Variants in MAD1L1 observed in about 807,000 individuals in gnomAD.
The protein encoded by MAD1L1 is mitotic arrest deficient 1 like 1.
Under a neutral mutation model 96.9 loss-of-function variants are expected in MAD1L1, and 95 were observed. The ratio of observed to expected loss-of-function variants is 0.98; its 90% CI spans 0.83 to 1.16. The LOEUF is 1.16. MAD1L1 is among the 50% of genes most tolerant of loss of function. The probability of loss-of-function intolerance (pLI) is 0.00; values close to 1 mark genes in which losing one functional copy is unlikely to be tolerated. For missense variants in MAD1L1, 1,007 were observed against 954.4 expected, an observed-to-expected ratio of 1.06 and a Z score of -0.73; for synonymous variants, 473 against 396.6, an observed-to-expected ratio of 1.19 and a Z score of -2.29.
intron 13 of MAD1L1, among the ~76,000 whole-genome samples, chr7:2,006,172 G>A (rs146111073): frequency 1.3e-5 from 2 of 152,282 alleles, no homozygotes; most frequent in East Asian, 3.9e-4. Context: ...CAGAGCCATG[G>A]AACACCGAGA....
intron 10 of MAD1L1, among the ~76,000 whole-genome samples, chr7:2,179,735 C>T (rs1210032272): frequency 6.6e-6 from 1 of 151,914 alleles, no homozygotes; most frequent in Non-Finnish European, 1.5e-5. Context: ...TTTGGGAGGC[C>T]AAGGTGGGTG....
chr7:2,116,737 C>T (rs1013183261), intron 11 of MAD1L1, among the ~76,000 whole-genome samples: 17 of 152,174 alleles, frequency 1.1e-4, no homozygotes, highest in Non-Finnish European at 2.4e-4. Flanking sequence ...CCACCAGACC[C>T]AACGGGGAGG....
chr7:1,877,797 T>C (rs1011919498), intron 18 of MAD1L1, among the ~76,000 whole-genome samples: 8 of 152,168 alleles, frequency 5.3e-5, no homozygotes, highest in Admixed American at 2.0e-4. Context: ...AAGACAGACA[T>C]TGCATAATTA....
In MAD1L1 at chr7:1,816,004, G is replaced by C. The variant is rs1196623944; in HGVS notation, c.*66C>G. ...AGGACGTGCACCCAGCCTGTGGCTGGCGGGGCAGGGGACCTGCAGGTCAGG... is the reference window on the plus strand; with the variant it reads ...AGGACGTGCACCCAGCCTGTGGCTGCCGGGGCAGGGGACCTGCAGGTCAGG... On this transcript the variant is annotated 3_prime_UTR_variant, in exon 19 of 19. Coordinates refer to ENST00000265854, the MANE Select transcript of MAD1L1 (RefSeq NM_001013836.2). 2.0e-6 allele frequency: 3 copies of C among 1,505,480 alleles called. No individual in the cohort carries two copies. The highest frequency in any genetic ancestry group is 2.8e-5 in the African/African-American group (2 of 72,622). 93.3% of individuals were successfully genotyped at this position (1,505,480 alleles called of 1,614,324 possible). A position where few individuals can be genotyped will look rare whatever the true frequency, so the allele number is the denominator to read the frequency against.
chr7:1,889,566 C>T (rs888131570), intron 18 of MAD1L1, among the ~76,000 whole-genome samples: 2 of 135,054 alleles, frequency 1.5e-5, no homozygotes, highest in African/African-American at 4.9e-5. Context: ...AGTGGAGCTG[C>T]CCCTGCACCA....
intron 17 of MAD1L1, among the ~76,000 whole-genome samples, 177 bp downstream of exon 17, chr7:1,936,510 G>A (rs1419677559): frequency 3.3e-5 from 5 of 152,208 alleles, no homozygotes; most frequent in South Asian, 2.1e-4. Flanking sequence ...ACGGGGCCAT[G>A]GGGACACGGG....
At chr7:1,981,114 G>A (rs1024791246) in intron 14 of MAD1L1, among the ~76,000 whole-genome samples, 1 of 152,156 alleles carries the variant, frequency 6.6e-6, no homozygotes, top group Admixed American at 6.5e-5. Context: ...CTACAGGCGC[G>A]TGCTGCCACG....
chr7:1,943,799 T>C (rs1239239407), intron 16 of MAD1L1, among the ~76,000 whole-genome samples: 1 of 151,516 alleles, frequency 6.6e-6, no homozygotes, highest in Admixed American at 6.6e-5. Flanking sequence ...GCAGCTGTGT[T>C]CATAACAGCC....
chr7:2,003,328 G>A (rs1404839472), intron 13 of MAD1L1, among the ~76,000 whole-genome samples: 1 of 152,142 alleles, frequency 6.6e-6, no homozygotes, highest in African/African-American at 2.4e-5. Flanking sequence ...CATGTGGTGG[G>A]GATGGGGGAA....
intron 12 of MAD1L1, among the ~76,000 whole-genome samples, chr7:2,038,761 C>A (rs759907291): frequency 1.8e-4 from 28 of 151,922 alleles, no homozygotes; most frequent in Non-Finnish European, 3.1e-4. Flanking sequence ...AAGTGATCCG[C>A]CCACCTCGAC....
At chr7:1,973,090 C>A (rs1780476314) in intron 15 of MAD1L1, among the ~76,000 whole-genome samples, 1 of 152,150 alleles carries the variant, frequency 6.6e-6, no homozygotes, top group Admixed American at 6.5e-5. Flanking sequence ...TTGTGACTGT[C>A]CCAGGTGAAT....
At chr7:1,989,049 A>C (rs1781288309) in intron 14 of MAD1L1, among the ~76,000 whole-genome samples, 1 of 152,208 alleles carries the variant, frequency 6.6e-6, no homozygotes, top group East Asian at 1.9e-4. Context: ...ACTTACCACT[A>C]ACCAACAAAA....
intron 12 of MAD1L1, among the ~76,000 whole-genome samples, chr7:2,063,689 C>T (rs114216570): frequency 0.024 from 3,641 of 152,336 alleles, 48 homozygotes; most frequent in Non-Finnish European, 0.032. Context: ...ATTTCTAAAT[C>T]GCTGCGCAGC....
intron 14 of MAD1L1, among the ~76,000 whole-genome samples, chr7:1,983,154 G>GCACACACACA (rs976027470): frequency 6.4e-5 from 2 of 31,466 alleles, no homozygotes; most frequent in Admixed American, 2.2e-4. Context: ...GCGCGCGCGC[G>GCACACACACA]CACACACACA....
chr7:2,069,161 C>T (rs374149758), intron 12 of MAD1L1, 33 bp downstream of exon 12: 175 of 1,535,562 alleles, frequency 1.1e-4, no homozygotes, highest in South Asian at 1.6e-4. Context: ...CAGCTCCCTG[C>T]GACTCTGATC....
chr7:2,087,302 G>A (rs985773959), intron 11 of MAD1L1, among the ~76,000 whole-genome samples: 1 of 152,218 alleles, frequency 6.6e-6, no homozygotes, highest in Non-Finnish European at 1.5e-5. Flanking sequence ...CACTTCGGGA[G>A]GGTGAGGCGG....
chr7:2,208,063 C>T (rs1044014872), intron 10 of MAD1L1, among the ~76,000 whole-genome samples: 5 of 152,174 alleles, frequency 3.3e-5, no homozygotes, highest in African/African-American at 1.2e-4. Flanking sequence ...TTTCCTCTTA[C>T]AATGTCTCCA....
chr7:1,946,588 T>C (rs926355331), intron 16 of MAD1L1, among the ~76,000 whole-genome samples: 2 of 152,276 alleles, frequency 1.3e-5, no homozygotes, highest in Non-Finnish European at 2.9e-5. Context: ...AACAGAAATC[T>C]TTCACTTGCA....
rs1165896150 is a variant in MAD1L1, at chr7:2,222,077, T to A, written c.471+498A>T. Among the ~76,000 whole-genome samples the A allele has an allele frequency of 3.2e-5, 4 of 125,026 alleles. No individual in the cohort carries two copies. The East Asian group carries it at 7.8e-4, about 24-fold the overall frequency. The allele number at this position is 125,026 out of a possible 152,430, so 82.0% of individuals were successfully genotyped here. On this transcript the variant is annotated intron_variant, in intron 5 of 18. Coordinates refer to ENST00000265854, the MANE Select transcript of MAD1L1 (RefSeq NM_001013836.2). ...TACAAAGGCAAAAAAGTGCTTAACTTTTTTTTTTTTTTTTGAGACAGAGTC... is the reference window on the plus strand; with the variant it reads ...TACAAAGGCAAAAAAGTGCTTAACTATTTTTTTTTTTTTTGAGACAGAGTC...
Sources: gnomAD v4.1 joint callset for allele counts (sites outside exome capture counted in the v4.1 genomes callset) on GRCh38, gnomAD v4.1.1 for gene constraint, MANE v1.5 for transcripts, NCBI Gene and HGNC (gene_info 2026-07-23, HGNC 2026-07-21) for gene names.